Variants in LITAF observed in about 807,000 individuals in gnomAD.
The protein encoded by LITAF is lipopolysaccharide induced TNF factor, also known as lipopolysaccharide-induced tumor necrosis factor-alpha factor.
Under a neutral mutation model 14.5 loss-of-function variants are expected in LITAF, and 9 were observed. The ratio of observed to expected loss-of-function variants is 0.62; its 90% CI spans 0.37 to 1.08. The LOEUF is 1.08. LITAF is among the 50% of genes least tolerant of loss of function. The pLI is 0.01. For synonymous variants in LITAF, 98 were observed against 88.2 expected (o/e 1.11, Z -0.62); for missense variants, 206 against 213.4 (o/e 0.97, Z 0.22).
intron 3 of LITAF, among the ~76,000 whole-genome samples, chr16:11,625,868 G>C (rs1171301313): frequency 1.3e-5 from 2 of 152,066 alleles, no homozygotes; most frequent in African/African-American, 2.4e-5. Context: ...TAAGCTCTTG[G>C]AGCCTCATCT....
At chr16:11,565,726 C>T (rs1468769181) in intron 1 of LITAF, among the ~76,000 whole-genome samples, 2 of 152,088 alleles carry the variant, frequency 1.3e-5, no homozygotes, top group African/African-American at 4.8e-5. Context: ...TGGCGTCTCC[C>T]GCCACACCTG....
chr16:11,636,012 C>G (rs889264088), intron 1 of LITAF: 1 of 152,326 alleles, frequency 6.6e-6, no homozygotes, highest in Non-Finnish European at 1.5e-5. Flanking sequence ...CCCCAAGGCT[C>G]AGTCTGCTCA....
intron 1 of LITAF, among the ~76,000 whole-genome samples, chr16:11,582,550 A>G (rs1157564536): frequency 6.6e-6 from 1 of 152,116 alleles, no homozygotes; most frequent in Non-Finnish European, 1.5e-5. Flanking sequence ...ATTCAATTCT[A>G]CTCTGGTCTC....
chr16:11,602,894 C>T (rs979571318), upstream of LITAF, among the ~76,000 whole-genome samples: 3 of 151,944 alleles, frequency 2.0e-5, no homozygotes, highest in East Asian at 1.9e-4. Context: ...GAGGATTGCT[C>T]GAGGCCAGGA....
intron 3 of LITAF, among the ~76,000 whole-genome samples, chr16:11,606,759 C>T (rs1481160976): frequency 3.9e-5 from 6 of 151,982 alleles, no homozygotes; most frequent in South Asian, 2.1e-4. Flanking sequence ...CTCAGCCTCC[C>T]GAGTAGCTGG....
chr16:11,623,252 C>T (rs1316981004), intron 3 of LITAF, among the ~76,000 whole-genome samples: 9 of 151,928 alleles, frequency 5.9e-5, no homozygotes, highest in East Asian at 5.9e-4. Flanking sequence ...TGAGCCACCG[C>T]GCCCGGCCGA....
At chr16:11,551,655 C>A in intron 3 of LITAF, 1 of 589,708 alleles carries the variant, frequency 1.7e-6, no homozygotes, top group Non-Finnish European at 3.0e-6. Context: ...ACCCCTGCTT[C>A]CACACACACA....
chr16:11,579,158 C>A (rs1417196983), intron 1 of LITAF, among the ~76,000 whole-genome samples: 1 of 151,578 alleles, frequency 6.6e-6, no homozygotes, highest in Non-Finnish European at 1.5e-5. Flanking sequence ...CATTGCACTG[C>A]AGCCTGGGCA....
At chr16:11,611,093 T>C (rs1245487320) in intron 3 of LITAF, among the ~76,000 whole-genome samples, 1 of 152,128 alleles carries the variant, frequency 6.6e-6, no homozygotes, top group Non-Finnish European at 1.5e-5. Flanking sequence ...TGGTGGCTCA[T>C]GTCTCAGCAC....
At chr16:11,584,455 A>G (rs1210402518) in intron 1 of LITAF, 1 of 152,118 alleles carries the variant, frequency 6.6e-6, no homozygotes, top group Non-Finnish European at 1.5e-5. Flanking sequence ...ATTTTCTTGA[A>G]AATTAACTTG....
chr16:11,556,695 C>T lies in LITAF; in HGVS notation c.36G>A (p.Gly12=). The change falls in exon 2 of 4, where the codon GGG becomes GGA. Residue 12 remains glycine, a synonymous_variant. Transcript: ENST00000622633. Reference sequence around the variant, plus strand: ...GAGGTGCGGATGGTGCTGAGGAAGGCCCAGTGGCCGCCTGGTAAGGTCCTG... The same window carrying T: ...GAGGTGCGGATGGTGCTGAGGAAGGTCCAGTGGCCGCCTGGTAAGGTCCTG... ...SVPGPYQAAT[G]PSSAPSAPPS... 1 of 1,614,186 alleles carries T rather than the reference C, an allele frequency of 6.2e-7. No homozygotes were observed. The highest frequency in any genetic ancestry group is 1.7e-4 in the Middle Eastern group (1 of 6,056).
In LITAF at chr16:11,631,482, A is replaced by C. The variant is rs1005292300; in HGVS notation, c.85+2051T>G. ...GTGAACATAGCTCACTACAGCCACA[A>C]CCTCCCGAGCTTAGGTGATCCTCAG... is the stretch of plus-strand genomic sequence containing the variant. On this transcript the variant is annotated intron_variant, in intron 3 of 3. Transcript: ENST00000574848. Among the ~76,000 whole-genome samples the C allele has an allele frequency of 2.6e-5, 4 of 151,880 alleles. No homozygotes were observed. In the East Asian group the frequency reaches 7.7e-4, roughly 29 times the overall value.
chr16:11,625,032 G>A (rs2065075223), intron 3 of LITAF, among the ~76,000 whole-genome samples: 2 of 152,176 alleles, frequency 1.3e-5, no homozygotes, highest in Non-Finnish European at 2.9e-5. Context: ...TGGACTGGAG[G>A]ACCCAGGAAG....
chr16:11,613,692 C>A (rs756097974), intron 3 of LITAF, among the ~76,000 whole-genome samples: 12 of 152,190 alleles, frequency 7.9e-5, no homozygotes, highest in Non-Finnish European at 5.9e-5. Flanking sequence ...GGAAAGGTGT[C>A]CTTACAGGGA....
intron 1 of LITAF, among the ~76,000 whole-genome samples, chr16:11,597,706 G>C (rs1184024350): frequency 2.0e-5 from 3 of 152,098 alleles, no homozygotes. Context: ...GTGTCCTACA[G>C]AGCCCAACTC....
intron 2 of LITAF, among the ~76,000 whole-genome samples, chr16:11,635,309 G>T (rs1426839284): frequency 6.6e-6 from 1 of 152,218 alleles, no homozygotes; most frequent in Non-Finnish European, 1.5e-5. Context: ...CACGCATGTA[G>T]ATACCAATCA....
chr16:11,612,555 G>A (rs567600610), intron 3 of LITAF, among the ~76,000 whole-genome samples: 4 of 152,326 alleles, frequency 2.6e-5, no homozygotes, highest in Admixed American at 6.5e-5. Flanking sequence ...GCCAGCGGGC[G>A]GCCAGGGCCG....
chr16:11,604,585 T>C (rs184299229), intron 3 of LITAF, among the ~76,000 whole-genome samples: 3 of 148,940 alleles, frequency 2.0e-5, no homozygotes, highest in African/African-American at 7.5e-5. Flanking sequence ...GGCAGGAGGA[T>C]TGCTTGAGCC....
intron 3 of LITAF, among the ~76,000 whole-genome samples, chr16:11,625,396 G>A (rs1199051654): frequency 6.6e-6 from 1 of 151,870 alleles, no homozygotes; most frequent in Non-Finnish European, 1.5e-5. Flanking sequence ...CTGAGTAGCT[G>A]GGACTACAGG....
Sources: gnomAD v4.1 joint callset for allele counts (sites outside exome capture counted in the v4.1 genomes callset) on GRCh38, gnomAD v4.1.1 for gene constraint, MANE v1.5 for transcripts, NCBI Gene and HGNC (gene_info 2026-07-23, HGNC 2026-07-21) for gene names.